The following PRDM11 variants were observed in gnomAD, a reference collection of about 807,000 sequenced individuals.
The protein encoded by PRDM11 is PR domain-containing protein 11.
A neutral mutation model predicts 97.8 loss-of-function variants in PRDM11; 20 were observed. That is an observed-to-expected ratio of 0.20 (90% CI 0.14 to 0.30). The LOEUF (loss-of-function observed/expected upper bound fraction) is 0.30, where lower values mean the gene tolerates loss of function less well. Among genes scored for constraint, PRDM11 ranks in the 10% least tolerant of loss-of-function variants. The pLI, the probability that PRDM11 is intolerant of heterozygous loss-of-function variation, is 1.00. For missense variants in PRDM11, 1,139 were observed against 1,555.2 expected (o/e 0.73, Z 4.50); for synonymous variants, 599 against 637.7 (o/e 0.94, Z 0.91).
intron 4 of PRDM11, among the ~76,000 whole-genome samples, chr11:45,204,243 G>A (rs975816520): frequency 1.3e-5 from 2 of 152,186 alleles, no homozygotes; most frequent in African/African-American, 4.8e-5. Context: ...TTAGAGGTTG[G>A]GGAGAGGAGG....
chr11:45,117,535 A>C (rs56329684), intron 1 of PRDM11, among the ~76,000 whole-genome samples: 3,838 of 152,208 alleles, frequency 0.025, 171 homozygotes, highest in African/African-American at 0.088. Flanking sequence ...CTGCCTGAGG[A>C]CAGAAGTTTG....
chr11:45,180,803 C>T (rs1234031054), intron 1 of PRDM11, among the ~76,000 whole-genome samples: 2 of 150,940 alleles, frequency 1.3e-5, no homozygotes, highest in African/African-American at 4.8e-5. Flanking sequence ...CGAGACGGGG[C>T]GGCCACGGGG....
intron 1 of PRDM11, among the ~76,000 whole-genome samples, chr11:45,167,978 AG>A (rs1852107940): frequency 6.6e-6 from 1 of 152,232 alleles, no homozygotes; most frequent in African/African-American, 2.4e-5. Context: ...CAACTGAGTC[AG>A]GAGGACTGCG....
intron 3 of PRDM11, among the ~76,000 whole-genome samples, chr11:45,182,569 C>A (rs1852548830): frequency 6.6e-6 from 1 of 152,156 alleles, no homozygotes; most frequent in Admixed American, 6.5e-5. Context: ...GTTAAGTATC[C>A]CACGCCTCGA....
At chr11:45,143,471 A>C (rs184126675), upstream of PRDM11, among the ~76,000 whole-genome samples, 1 of 152,326 alleles carries the variant, frequency 6.6e-6, no homozygotes, top group East Asian at 1.9e-4. Context: ...AAGAGGTCAT[A>C]ATGTACCTGG....
In PRDM11 at chr11:45,230,708, G is replaced by A. The variant is rs1417519318; in HGVS notation, c.*2549G>A. ...AGATCCTTTCTTCTAGCCAACAGTT[G>A]CCTTACACCTTACATTGGGTAATGG... On this transcript the variant is annotated 3_prime_UTR_variant, in exon 8 of 8. Coordinates refer to ENST00000683152, the MANE Select transcript of PRDM11 (RefSeq NM_001384648.1). 6.6e-6 allele frequency: 1 copy of A among 152,240 alleles called. No homozygotes were observed. Among genetic ancestry groups the A allele is most frequent in the Non-Finnish European group, 1.5e-5 (1 of 68,062 alleles). The allele number at this position is 152,240 out of a possible 1,614,324, so 9.4% of individuals were successfully genotyped here.
rs555967958 is a variant in PRDM11, at chr11:45,179,190, G to A, written c.-6-2571G>A. 1.1e-4 allele frequency among the ~76,000 whole-genome samples: 17 copies of A among 152,234 alleles called. No homozygotes were observed. The South Asian group carries it at 2.1e-3, about 19-fold the overall frequency. ...CATGCAAAGCAGTCCTCAGCAGTCCGTTCCAATAAAGCGTCAGAGTTTCCA... is the reference window on the plus strand; with the variant it reads ...CATGCAAAGCAGTCCTCAGCAGTCCATTCCAATAAAGCGTCAGAGTTTCCA... On this transcript the variant is annotated intron_variant, in intron 1 of 7. Coordinates refer to ENST00000683152, the MANE Select transcript of PRDM11 (RefSeq NM_001384648.1).
At chr11:45,145,493 A>T (rs1261458830), upstream of PRDM11, among the ~76,000 whole-genome samples, 1 of 152,086 alleles carries the variant, frequency 6.6e-6, no homozygotes, top group Non-Finnish European at 1.5e-5. Flanking sequence ...CCTTGGGAGG[A>T]GGCTTCCCTG....
chr11:45,162,761 A>G (rs940000261), intron 1 of PRDM11, among the ~76,000 whole-genome samples: 1 of 152,182 alleles, frequency 6.6e-6, no homozygotes, highest in African/African-American at 2.4e-5. Context: ...GATGCTATAA[A>G]GCCTCTGATG....
chr11:45,136,131 T>C (rs1852837139), intron 1 of PRDM11, among the ~76,000 whole-genome samples: 1 of 152,238 alleles, frequency 6.6e-6, no homozygotes, highest in East Asian at 1.9e-4. Flanking sequence ...GTACAGGGTA[T>C]ATGAGAACTC....
rs1191008824 is a variant in PRDM11 at position 45,134,701 on chromosome 11, G to GAAAAAAAAAAAAAAAAAAAA, written c.96+38806_96+38825dup. 5.4e-4 allele frequency among the ~76,000 whole-genome samples: 24 copies of GAAAAAAAAAAAAAAAAAAAA among 44,270 alleles called. 4 individuals carry two copies. The highest frequency in any genetic ancestry group is 2.4e-3 in the African/African-American group (23 of 9,406). 29.0% of individuals were successfully genotyped at this position (44,270 alleles called of 152,430 possible). A position where few individuals can be genotyped will look rare whatever the true frequency, so the allele number is the denominator to read the frequency against. ...GCAACAGAGTGAGACCCTGTCTCAC[G>GAAAAAAAAAAAAAAAAAAAA]AAAAAAAAAAAAAAAAAAAAAAAAA... On this transcript the variant is annotated intron_variant, in intron 1 of 6. Coordinates refer to the PRDM11 transcript ENST00000530656.
At chr11:45,183,169 T>C in intron 4 of PRDM11, 46 bp downstream of exon 4, 1 of 1,573,044 alleles carries the variant, frequency 6.4e-7, no homozygotes, top group Non-Finnish European at 8.6e-7. Context: ...CCAAGAAACA[T>C]GGAAGGAAAC....
chr11:45,196,002 A>T (rs541876735), intron 4 of PRDM11, among the ~76,000 whole-genome samples: 1 of 152,318 alleles, frequency 6.6e-6, no homozygotes, highest in East Asian at 1.9e-4. Context: ...ACAAGTTTCC[A>T]TGCGGACACG....
At chr11:45,161,370 G>T (rs1272034782) in intron 1 of PRDM11, among the ~76,000 whole-genome samples, 1 of 152,220 alleles carries the variant, frequency 6.6e-6, no homozygotes, top group African/African-American at 2.4e-5. Flanking sequence ...ACATCCTGGT[G>T]GAGGCTGCTG....
rs1854471431 is a variant in PRDM11, at chr11:45,234,755, C to T, written c.*6596C>T. The T allele has an allele frequency of 6.6e-6, 1 of 152,286 alleles. No individual in the cohort carries two copies. The highest frequency in any genetic ancestry group is 2.4e-5 in the African/African-American group (1 of 41,436). The allele number at this position is 152,286 out of a possible 1,614,324, so 9.4% of individuals were successfully genotyped here. A position where few individuals can be genotyped will look rare whatever the true frequency, so the allele number is the denominator to read the frequency against. ...CCTCTCAGTCTTCACTTTTGTCTCT[C>T]CGGAAGAACCAGCAGTCTGATTCCG... On this transcript the variant is annotated 3_prime_UTR_variant, in exon 8 of 8. Transcript: ENST00000683152.
rs928082237 is a variant in PRDM11 at position 45,154,134 on chromosome 11, C to T, written c.-7+7257C>T. ...CTTTGGGAGGCTGAGGTGGGAGGAT[C>T]GCTTGAGTCCAGGAGTTTGAGACCA... On this transcript the variant is annotated intron_variant, in intron 1 of 7. Transcript: ENST00000683152. 3.9e-5 allele frequency among the ~76,000 whole-genome samples: 6 copies of T among 152,210 alleles called. No individual in the cohort carries two copies. In the South Asian group the frequency reaches 1.0e-3, roughly 26 times the overall value.
chr11:45,122,236 C>CACACACAG (rs570495237), intron 1 of PRDM11, among the ~76,000 whole-genome samples: 19,494 of 144,294 alleles, frequency 0.14, 1,642 homozygotes, highest in Non-Finnish European at 0.18. Context: ...CACACACACA[C>CACACACAG]AGAGAGAAAC....
chr11:45,138,372 C>G (rs554290396), intron 1 of PRDM11, among the ~76,000 whole-genome samples: 22 of 152,252 alleles, frequency 1.4e-4, no homozygotes, highest in African/African-American at 5.1e-4. Context: ...GCAAGACCAG[C>G]CTGGGGAACA....
At chr11:45,182,759 G>T (rs1852557155) in intron 3 of PRDM11, 102 bp from the exon 4 acceptor site, 4 of 1,377,412 alleles carry the variant, frequency 2.9e-6, no homozygotes, top group Non-Finnish European at 2.0e-6. Context: ...CCTGCAGCTG[G>T]CTGTCCATGA....
Sources: allele counts gnomAD v4.1 joint callset (sites outside exome capture counted in the v4.1 genomes callset), GRCh38; gene constraint gnomAD v4.1.1; transcripts MANE v1.5; gene names NCBI Gene and HGNC (gene_info 2026-07-23, HGNC 2026-07-21).